The following RAB44 variants were observed in gnomAD, a reference collection of about 807,000 sequenced individuals.
RAB44 encodes ras-related protein Rab-44.
In RAB44, 67 loss-of-function variants were observed where a neutral mutation model predicts 93.3. The observed-to-expected ratio is 0.72, with a 90% confidence interval of 0.59 to 0.88. The LOEUF (loss-of-function observed/expected upper bound fraction) is 0.88. Ranked by LOEUF, RAB44 falls within the 40% of genes least tolerant of loss-of-function variation. RAB44 has a pLI of 0.00. For synonymous variants in RAB44, 427 were observed against 520.3 expected, an observed-to-expected ratio of 0.82 and a Z score of 2.44; for missense variants, 1,064 against 1,261.7, an observed-to-expected ratio of 0.84 and a Z score of 2.37.
At chr6:36,720,873 C>G (rs1443551489) in intron 8 of RAB44, among the ~76,000 whole-genome samples, 1 of 152,210 alleles carries the variant, frequency 6.6e-6, no homozygotes, top group African/African-American at 2.4e-5. Flanking sequence ...AGCAGGCACT[C>G]ACTCTACTTG....
chr6:36,704,454 AC>A lies in RAB44; in HGVS notation c.207+17del. ...GCGAGGACCTGGCGGTGAGCCCAAG[AC>A]CCCCATTTGAATGCTGAATCCCTTT... On this transcript the variant is annotated intron_variant, in intron 2 of 13. Transcript: ENST00000612677. The A allele has an allele frequency of 6.5e-7, 1 of 1,529,942 alleles. No individual in the cohort carries two copies. The highest frequency in any genetic ancestry group is 8.7e-7 in the Non-Finnish European group (1 of 1,142,926). The allele number at this position is 1,529,942 out of a possible 1,614,324, so 94.8% of individuals were successfully genotyped here.
In RAB44 at chr6:36,732,306, G is replaced by A. The variant is rs967548359; in HGVS notation, c.*213G>A. ...CTTTGCTGAGTGAACAAGGCTTGAGGGGCAGGGGTATGGCAAAACTCTCCA... is the reference window on the plus strand; with the variant it reads ...CTTTGCTGAGTGAACAAGGCTTGAGAGGCAGGGGTATGGCAAAACTCTCCA... On this transcript the variant is annotated 3_prime_UTR_variant, in exon 14 of 14. Transcript: ENST00000612677. 2.7e-6 allele frequency: 1 copy of A among 369,188 alleles called. No individual in the cohort carries two copies. The highest frequency in any genetic ancestry group is 4.0e-5 in the East Asian group (1 of 25,146). 22.9% of individuals were successfully genotyped at this position (369,188 alleles called of 1,614,324 possible). A position where few individuals can be genotyped will look rare whatever the true frequency, so the allele number is the denominator to read the frequency against.
At chr6:36,719,778 C>A (rs368845972) in intron 7 of RAB44, among the ~76,000 whole-genome samples, 2 of 152,262 alleles carry the variant, frequency 1.3e-5, no homozygotes, top group East Asian at 3.9e-4. Flanking sequence ...ACAGCAGGTG[C>A]GAAGGCCCTG....
intron 9 of RAB44, 68 bp downstream of exon 9, chr6:36,722,801 C>A (rs138609339): frequency 9.2e-6 from 14 of 1,525,046 alleles, no homozygotes; most frequent in Non-Finnish European, 1.1e-5. Context: ...CGAGTGAGAG[C>A]GGGCCCAGAC....
intron 2 of RAB44, 128 bp from the exon 3 acceptor site, chr6:36,713,700 G>A: frequency 1.5e-6 from 1 of 663,976 alleles, no homozygotes; most frequent in Non-Finnish European, 2.7e-6. Context: ...CCTGGGTCAG[G>A]TTACTGGAGG....
At position 36,718,479 on chromosome 6, in the gene RAB44, T is replaced by C; in HGVS notation, c.733-14T>C. On this transcript the variant is annotated splice_polypyrimidine_tract_variant and intron_variant, in intron 6 of 13. Transcript: ENST00000612677. ...GAGTCTGCAGGGTGAGGGCTGAATCTACCTACTCCACAGAGCGACTCTCGG... is the reference window on the plus strand; with the variant it reads ...GAGTCTGCAGGGTGAGGGCTGAATCCACCTACTCCACAGAGCGACTCTCGG... 8.3e-7 allele frequency: 1 copy of C among 1,205,730 alleles called. No homozygotes were observed. The highest frequency in any genetic ancestry group is 4.2e-5 in the South Asian group (1 of 23,774). The allele number at this position is 1,205,730 out of a possible 1,614,324, so 74.7% of individuals were successfully genotyped here. A position where few individuals can be genotyped will look rare whatever the true frequency, so the allele number is the denominator to read the frequency against.
intron 1 of RAB44, among the ~76,000 whole-genome samples, chr6:36,700,510 G>C (rs1359683047): frequency 1.3e-5 from 2 of 152,140 alleles, no homozygotes; most frequent in Non-Finnish European, 2.9e-5. Context: ...GTGAATCATA[G>C]CTCACTGCAG....
intron 1 of RAB44, among the ~76,000 whole-genome samples, chr6:36,703,253 C>T (rs1003159886): frequency 5.3e-5 from 8 of 152,158 alleles, no homozygotes; most frequent in African/African-American, 1.4e-4. Flanking sequence ...GGACGGTGCC[C>T]CCATGACCCA....
chr6:36,698,097 G>T (rs1762425740), intron 1 of RAB44, among the ~76,000 whole-genome samples, 182 bp downstream of exon 1: 3 of 152,192 alleles, frequency 2.0e-5, no homozygotes, highest in Admixed American at 2.0e-4. Flanking sequence ...TTGGGCAAGA[G>T]GCTGGGGTAC....
intron 9 of RAB44, among the ~76,000 whole-genome samples, chr6:36,724,183 T>TTTATTTATTTA (rs1562066138): frequency 1.2e-4 from 16 of 131,800 alleles, no homozygotes; most frequent in African/African-American, 4.8e-4. Flanking sequence ...TTATTTATTT[T>TTTATTTATTTA]TTGAGATGGA....
chr6:36,720,685 C>A, intron 8 of RAB44, 135 bp downstream of exon 8: 5 of 678,854 alleles, frequency 7.4e-6, no homozygotes, highest in Non-Finnish European at 8.3e-6. Flanking sequence ...CACCCTCTGC[C>A]AAGCTGGAAC....
At chr6:36,720,972 A>G (rs747604941) in intron 8 of RAB44, among the ~76,000 whole-genome samples, 179 bp from the exon 9 acceptor site, 3 of 152,192 alleles carry the variant, frequency 2.0e-5, no homozygotes, top group Non-Finnish European at 2.9e-5. Flanking sequence ...GAGGATGGAC[A>G]GGATTGGATG....
chr6:36,722,772 A>C (rs886814466), intron 9 of RAB44, 39 bp downstream of exon 9: 7 of 1,548,770 alleles, frequency 4.5e-6, no homozygotes, highest in Non-Finnish European at 6.1e-6. Flanking sequence ...GCAAGGAGAG[A>C]CGCAGGGGCC....
chr6:36,706,822 G>T (rs1011261783), intron 2 of RAB44, among the ~76,000 whole-genome samples: 1 of 151,922 alleles, frequency 6.6e-6, no homozygotes, highest in African/African-American at 2.4e-5. Context: ...CGCCTCCTGG[G>T]TTCAAGTGAT....
chr6:36,700,134 C>T (rs367997999), intron 1 of RAB44, among the ~76,000 whole-genome samples: 13 of 152,268 alleles, frequency 8.5e-5, no homozygotes, highest in South Asian at 2.1e-4. Flanking sequence ...GGAGGTGGGC[C>T]ATGCTGGGGA....
intron 9 of RAB44, among the ~76,000 whole-genome samples, chr6:36,724,857 A>AT (rs1763196315): frequency 6.6e-6 from 1 of 152,164 alleles, no homozygotes; most frequent in Non-Finnish European, 1.5e-5. Context: ...TCATAGGTCA[A>AT]TATTTCCCTA....
intron 1 of RAB44, among the ~76,000 whole-genome samples, chr6:36,700,106 G>T (rs10807172): frequency 6.6e-6 from 1 of 152,018 alleles, no homozygotes; most frequent in Non-Finnish European, 1.5e-5. Flanking sequence ...AGTGCTAAGA[G>T]AAAGTGAAGC....
In RAB44 at chr6:36,731,565, G is replaced by A. The variant is rs1348430386; in HGVS notation, c.2976-438G>A. ...CCAAGCTCTCTCGGCACTGAGCCGC[G>A]CCATGGCCCTCTGCTTGGGATGCAC... is the stretch of plus-strand genomic sequence containing the variant. On this transcript the variant is annotated intron_variant, in intron 13 of 13. Coordinates refer to ENST00000612677, the MANE Select transcript of RAB44 (RefSeq NM_001257357.2). This position sits in a 1 kb window ranked among gnomAD's most constrained non-coding sequence, Gnocchi z 4.0. Among the ~76,000 whole-genome samples, 4 of 152,124 alleles carry A rather than the reference G, an allele frequency of 2.6e-5. No individual in the cohort carries two copies. The East Asian group carries it at 5.8e-4, about 22-fold the overall frequency.
At chr6:36,726,017 C>A in intron 10 of RAB44, 74 bp downstream of exon 10, 2 of 1,200,396 alleles carry the variant, frequency 1.7e-6, no homozygotes, top group Non-Finnish European at 1.2e-6. Flanking sequence ...GGGAGCAGCC[C>A]TAATAACACA....
Sources: gnomAD v4.1 joint callset for allele counts (sites outside exome capture counted in the v4.1 genomes callset) on GRCh38, gnomAD v4.1.1 for gene constraint, Gnocchi (gnomAD v3.1) non-coding constraint, MANE v1.5 for transcripts, NCBI Gene and HGNC (gene_info 2026-07-23, HGNC 2026-07-21) for gene names.